Variants in ZBED6 observed in about 807,000 individuals in gnomAD.
ZBED6 encodes zinc finger BED-type containing 6.
ZBED6 carries 40 observed loss-of-function variants against 58.4 expected under a neutral mutation model. That is an observed-to-expected ratio of 0.68 (90% confidence interval 0.53 to 0.89). ZBED6 has a LOEUF of 0.89. ZBED6 is among the 40% of genes least tolerant of loss of function. The pLI is 0.00. For synonymous variants in ZBED6, 439 were observed against 350.6 expected (o/e 1.25, Z -2.82); for missense variants, 1,057 against 1,003.9 (o/e 1.05, Z -0.71).
rs1214904277 is a variant in ZBED6, at chr1:203,806,166, C to G, written c.*2554+3150C>G. The G allele has an allele frequency of 1.2e-5, 6 of 497,522 alleles. No individual in the cohort carries two copies. In the East Asian group the frequency reaches 1.6e-4, roughly 14 times the overall value. 30.8% of individuals were successfully genotyped at this position (497,522 alleles called of 1,614,324 possible). A position where few individuals can be genotyped will look rare whatever the true frequency, so the allele number is the denominator to read the frequency against. Reference sequence around the variant, plus strand: ...CTAGCTCAGCATCCAATCTAGAAATCTTGTCAGTGGATTCTGCCCTGCTGT... The same window carrying G: ...CTAGCTCAGCATCCAATCTAGAAATGTTGTCAGTGGATTCTGCCCTGCTGT... On this transcript the variant is annotated intron_variant, in intron 1 of 16. Coordinates refer to ENST00000550078, the Ensembl canonical transcript of ZBED6.
At chr1:203,822,218 T>C (rs764910015) in intron 3 of ZBED6, among the ~76,000 whole-genome samples, 2 of 152,188 alleles carry the variant, frequency 1.3e-5, no homozygotes, top group Non-Finnish European at 2.9e-5. Flanking sequence ...ATAATACTTT[T>C]ATTTATTTGA....
In ZBED6 at chr1:203,837,139, AC is replaced by A. The variant is rs199778829; in HGVS notation, c.*3574-826del. Among the ~76,000 whole-genome samples the A allele has an allele frequency of 4.4e-3, 667 of 152,136 alleles. 7 individuals carry two copies. The highest frequency in any genetic ancestry group is 0.015 in the African/African-American group (631 of 41,490). ...GCAAACCCTTGTCTCTACTAAAAAT[AC>A]AAAAATTAACCAGGCATGGCATGTG... On this transcript the variant is annotated intron_variant, in intron 9 of 16. Coordinates refer to ENST00000550078, the Ensembl canonical transcript of ZBED6.
intron 10 of ZBED6, among the ~76,000 whole-genome samples, 180 bp downstream of exon 10, chr1:203,838,244 G>GA (rs1187778775): frequency 3.9e-5 from 6 of 152,074 alleles, no homozygotes; most frequent in African/African-American, 4.8e-5. Context: ...AGACACCATT[G>GA]AAAAAAACAC....
chr1:203,807,131 T>A (rs1672668684), intron 1 of ZBED6, among the ~76,000 whole-genome samples: 1 of 152,030 alleles, frequency 6.6e-6, no homozygotes, highest in Non-Finnish European at 1.5e-5. Context: ...TCAGTAATCC[T>A]CCCAAAGCTC....
At chr1:203,851,517 AC>A (rs1689253678) in intron 16 of ZBED6, among the ~76,000 whole-genome samples, 1 of 152,068 alleles carries the variant, frequency 6.6e-6, no homozygotes. Context: ...TTTAGTAGTG[AC>A]AGGGTTTTGC....
Position 203,798,908 on chromosome 1 carries a change from TTG to T in ZBED6, c.1390_1391del (p.Val464GlnfsTer21). ...CTAAGGCTGTACCTCAGTTATATGA[TTG>T]TGTCAGAGAAAAAATTTTCTTAACT... is the stretch of plus-strand genomic sequence containing the variant. On this transcript the variant is annotated frameshift_variant, in exon 1 of 17. Coordinates refer to ENST00000550078, the Ensembl canonical transcript of ZBED6. LOFTEE classifies it high-confidence loss of function. The T allele has an allele frequency of 6.5e-7, 1 of 1,536,090 alleles. No individual in the cohort carries two copies. The highest frequency in any genetic ancestry group is 8.7e-7 in the Non-Finnish European group (1 of 1,146,898).
Position 203,838,264 on chromosome 1 carries a change from C to T in ZBED6, c.*3672+200C>T, listed in dbSNP as rs114343340. 7.5e-3 allele frequency among the ~76,000 whole-genome samples: 1,144 copies of T among 152,262 alleles called. 6 individuals are homozygous for T. The highest frequency in any genetic ancestry group is 0.012 in the Non-Finnish European group (804 of 68,026). ...CCATTGAAAAAAACACCGTCACACT[C>T]CTCAGGAGCTTATAGTATAAATGGC... On this transcript the variant is annotated intron_variant, in intron 10 of 16. Coordinates refer to ENST00000550078, the Ensembl canonical transcript of ZBED6.
rs772987481 is a variant in ZBED6, at chr1:203,849,831, C to T, written c.*4443C>T. ...GGAAAAATCAGTCTTGACACCTCTT[C>T]GGGGAGATGTAGCCTCTTGCAATAC... On this transcript the variant is annotated 3_prime_UTR_variant, in exon 14 of 17. Coordinates refer to ENST00000550078, the Ensembl canonical transcript of ZBED6. 2.2e-5 allele frequency: 35 copies of T among 1,613,842 alleles called. No homozygotes were observed. The highest frequency in any genetic ancestry group is 1.6e-4 in the Middle Eastern group (1 of 6,080).
intron 2 of ZBED6, among the ~76,000 whole-genome samples, chr1:203,817,675 A>G (rs1380577800): frequency 2.6e-5 from 4 of 151,972 alleles, no homozygotes; most frequent in Non-Finnish European, 4.4e-5. Flanking sequence ...ACATATACCT[A>G]TTGCTTTCTG....
exon 6 of ZBED6, chr1:203,829,865 T>C: frequency 1.2e-6 from 2 of 1,614,190 alleles, no homozygotes; most frequent in Non-Finnish European, 1.7e-6. Context: ...GAGTGACTTC[T>C]GTCCGGAAAC....
chr1:203,850,094 A>G, intron 14 of ZBED6, 68 bp downstream of exon 14: 1 of 1,458,424 alleles, frequency 6.9e-7, no homozygotes, highest in Non-Finnish European at 9.3e-7. Flanking sequence ...AATTGTTGCC[A>G]GTAACTTCCT....
At chr1:203,797,485 T>C (rs1156868177) in exon 1 of ZBED6, 22 of 1,455,782 alleles carry the variant, frequency 1.5e-5, no homozygotes, top group Admixed American at 2.7e-5. Context: ...ATAAACCCAC[T>C]AACAGATTCT....
At chr1:203,829,740 T>C in intron 5 of ZBED6, 40 bp from the exon 6 acceptor site, 1 of 1,612,138 alleles carries the variant, frequency 6.2e-7, no homozygotes, top group Non-Finnish European at 8.5e-7. Context: ...GCTATAGGCG[T>C]ATTTTTAATT....
intron 8 of ZBED6, among the ~76,000 whole-genome samples, chr1:203,832,365 A>ATT (rs575486286): frequency 7.0e-6 from 1 of 143,494 alleles, no homozygotes; most frequent in Admixed American, 7.0e-5. Flanking sequence ...TTGGCCATTA[A>ATT]TTTTTTTTTT....
intron 12 of ZBED6, among the ~76,000 whole-genome samples, chr1:203,847,948 T>G (rs1008967651): frequency 6.6e-6 from 1 of 152,108 alleles, no homozygotes; most frequent in Non-Finnish European, 1.5e-5. Flanking sequence ...CTCCACCTCC[T>G]AGGTTCAAGT....
intron 10 of ZBED6, 81 bp downstream of exon 10, chr1:203,838,145 A>G (rs34947847): frequency 0.13 from 171,474 of 1,325,544 alleles, 12,555 homozygotes; most frequent in Non-Finnish European, 0.15. Context: ...ATGGTTTTTC[A>G]TTCTTTTGTT....
chr1:203,822,758 A>G (rs543228890), intron 3 of ZBED6, among the ~76,000 whole-genome samples: 4 of 152,214 alleles, frequency 2.6e-5, no homozygotes, highest in South Asian at 4.2e-4. Context: ...GTGGGTTCCA[A>G]CACCCTATGC....
intron 3 of ZBED6, among the ~76,000 whole-genome samples, chr1:203,822,294 GAC>G (rs745870478): frequency 2.9e-4 from 44 of 152,056 alleles, no homozygotes; most frequent in Non-Finnish European, 5.0e-4. Flanking sequence ...GCTCTGACAT[GAC>G]ACACACAGCT....
intron 13 of ZBED6, 21 bp downstream of exon 13, chr1:203,848,428 T>C: frequency 6.3e-7 from 1 of 1,589,558 alleles, no homozygotes; most frequent in Non-Finnish European, 8.6e-7. Flanking sequence ...GATTATTGTA[T>C]GGTTTTGTTC....
Sources: allele counts gnomAD v4.1 joint callset (sites outside exome capture counted in the v4.1 genomes callset), GRCh38; gene constraint gnomAD v4.1.1; transcripts MANE v1.5; gene names NCBI Gene and HGNC (gene_info 2026-07-23, HGNC 2026-07-21).